The following LMLN variants were observed in gnomAD, a reference collection of about 807,000 sequenced individuals.
LMLN encodes leishmanolysin-like peptidase.
LMLN carries 70 observed loss-of-function variants against 92.3 expected under a neutral mutation model. The ratio of observed to expected loss-of-function variants is 0.76; its 90% CI spans 0.63 to 0.92. LMLN has a LOEUF of 0.92. Ranked by LOEUF, LMLN falls within the 40% of genes least tolerant of loss-of-function variation. The probability of loss-of-function intolerance (pLI) is 0.00; values close to 1 mark genes in which losing one functional copy is unlikely to be tolerated. For synonymous variants in LMLN, 308 were observed against 296.2 expected, an observed-to-expected ratio of 1.04 and a Z score of -0.41; for missense variants, 691 against 814.6, an observed-to-expected ratio of 0.85 and a Z score of 1.85.
intron 14 of LMLN, among the ~76,000 whole-genome samples, chr3:198,028,722 G>A (rs1214929766): frequency 1.3e-5 from 2 of 152,206 alleles, no homozygotes; most frequent in Non-Finnish European, 2.9e-5. Flanking sequence ...AGATGCAAAA[G>A]AATGTACAGG....
chr3:197,999,401 C>A, intron 11 of LMLN, 59 bp downstream of exon 11: 3 of 1,153,730 alleles, frequency 2.6e-6, no homozygotes, highest in Non-Finnish European at 3.9e-6. Flanking sequence ...TAATACTGAG[C>A]TTATAGCTTA....
At chr3:197,968,145 A>G (rs1055108819) in intron 1 of LMLN, among the ~76,000 whole-genome samples, 3 of 152,222 alleles carry the variant, frequency 2.0e-5, no homozygotes, top group African/African-American at 7.2e-5. Context: ...AACAAGATTA[A>G]GAGATTAAAG....
exon 2 of LMLN, chr3:197,974,439 A>G (rs777285498): frequency 1.9e-6 from 3 of 1,590,622 alleles, no homozygotes; most frequent in Non-Finnish European, 2.6e-6. Flanking sequence ...ATGAGCATTT[A>G]AGAATCAAGA....
At chr3:198,005,403 A>G (rs1722265359) in intron 11 of LMLN, among the ~76,000 whole-genome samples, 1 of 152,088 alleles carries the variant, frequency 6.6e-6, no homozygotes, top group African/African-American at 2.4e-5. Flanking sequence ...ATAGATGCTT[A>G]TGTAAAAGTT....
At chr3:197,989,695 A>G (rs894085837) in intron 8 of LMLN, among the ~76,000 whole-genome samples, 12 of 152,174 alleles carry the variant, frequency 7.9e-5, no homozygotes, top group Non-Finnish European at 2.9e-5. Flanking sequence ...AGTGATGATA[A>G]TCTCATAGGG....
chr3:198,010,179 A>C (rs1722394693), intron 11 of LMLN, among the ~76,000 whole-genome samples: 1 of 151,922 alleles, frequency 6.6e-6, no homozygotes, highest in African/African-American at 2.4e-5. Flanking sequence ...TTTGAGATGG[A>C]GTCTCACTCT....
intron 14 of LMLN, among the ~76,000 whole-genome samples, chr3:198,034,563 A>T (rs1723160420): frequency 6.6e-6 from 1 of 152,220 alleles, no homozygotes; most frequent in Non-Finnish European, 1.5e-5. Flanking sequence ...GTGAGCCAAG[A>T]TCATGCCACT....
At chr3:198,002,932 A>T (rs1266482094) in intron 11 of LMLN, 83 bp from the exon 12 acceptor site, 1 of 753,626 alleles carries the variant, frequency 1.3e-6, no homozygotes, top group Non-Finnish European at 2.2e-6. Flanking sequence ...TAATGTGCTC[A>T]TTGTTGAGAT....
chr3:198,029,225 C>G (rs1457986425), intron 14 of LMLN, among the ~76,000 whole-genome samples: 3 of 152,148 alleles, frequency 2.0e-5, no homozygotes, highest in Non-Finnish European at 4.4e-5. Flanking sequence ...TTTAGGTTTA[C>G]CTTCATAGTT....
intron 11 of LMLN, among the ~76,000 whole-genome samples, chr3:198,010,242 C>G (rs1371762757): frequency 6.6e-6 from 1 of 152,156 alleles, no homozygotes; most frequent in South Asian, 2.1e-4. Flanking sequence ...CAGCCTCCGC[C>G]TCCCGGGTTC....
intron 8 of LMLN, among the ~76,000 whole-genome samples, chr3:197,988,237 G>A (rs377600200): frequency 6.0e-5 from 9 of 151,120 alleles, no homozygotes; most frequent in Non-Finnish European, 1.0e-4. Context: ...TCCTGCCTCC[G>A]TCTCTCAAGC....
intron 6 of LMLN, among the ~76,000 whole-genome samples, chr3:197,981,738 A>G (rs1721562541): frequency 6.6e-6 from 1 of 152,216 alleles, no homozygotes; most frequent in Non-Finnish European, 1.5e-5. Context: ...TGTATATAAC[A>G]TTCTCAGATC....
At chr3:197,978,627 A>G (rs1388332749) in intron 5 of LMLN, among the ~76,000 whole-genome samples, 1 of 152,128 alleles carries the variant, frequency 6.6e-6, no homozygotes, top group East Asian at 1.9e-4. Flanking sequence ...ACAGAGTGAG[A>G]CCCTGTCTCA....
At chr3:198,033,282 G>T (rs1487889325) in intron 14 of LMLN, among the ~76,000 whole-genome samples, 1 of 152,052 alleles carries the variant, frequency 6.6e-6, no homozygotes, top group African/African-American at 2.4e-5. Context: ...TGTCTTCCAT[G>T]AAAGTTTCTA....
intron 11 of LMLN, among the ~76,000 whole-genome samples, chr3:198,011,898 T>C (rs544670568): frequency 8.5e-5 from 13 of 152,194 alleles, no homozygotes; most frequent in African/African-American, 3.1e-4. Context: ...ACTAAAGAGC[T>C]TCTGCACAGA....
intron 9 of LMLN, among the ~76,000 whole-genome samples, chr3:197,991,251 G>A (rs1009480088): frequency 6.6e-6 from 1 of 151,446 alleles, no homozygotes; most frequent in African/African-American, 2.4e-5. Context: ...CTACAGGCAC[G>A]CACCACCACG....
At chr3:198,037,943 T>C (rs1037022245) in intron 15 of LMLN, among the ~76,000 whole-genome samples, 1 of 152,192 alleles carries the variant, frequency 6.6e-6, no homozygotes, top group African/African-American at 2.4e-5. Context: ...ATATGCCTGT[T>C]GTCATTATTA....
chr3:198,035,504 A>G (rs1223712328), intron 14 of LMLN, among the ~76,000 whole-genome samples: 2 of 151,604 alleles, frequency 1.3e-5, no homozygotes, highest in Non-Finnish European at 2.9e-5. Flanking sequence ...CTGGGACTAC[A>G]GGTGCATGAC....
chr3:198,026,753 T>C (rs1722944018), intron 14 of LMLN, among the ~76,000 whole-genome samples: 1 of 152,204 alleles, frequency 6.6e-6, no homozygotes. Context: ...GCGGTAATTA[T>C]ACTGTTGATT....
Sources: gnomAD v4.1 joint callset for allele counts (sites outside exome capture counted in the v4.1 genomes callset) on GRCh38, gnomAD v4.1.1 for gene constraint, MANE v1.5 for transcripts, NCBI Gene and HGNC (gene_info 2026-07-23, HGNC 2026-07-21) for gene names.